Variants in PRKACA observed in about 807,000 individuals in gnomAD.
The protein encoded by PRKACA is cAMP-dependent protein kinase catalytic subunit alpha.
A neutral mutation model predicts 45.8 loss-of-function variants in PRKACA; 9 were observed. That is an observed-to-expected ratio of 0.20 (90% CI 0.12 to 0.34). The LOEUF (loss-of-function observed/expected upper bound fraction) is 0.34, where lower values mean the gene tolerates loss of function less well. Among genes scored for constraint, PRKACA ranks in the 10% least tolerant of loss-of-function variants. The probability of loss-of-function intolerance (pLI) is 1.00; values close to 1 mark genes in which losing one functional copy is unlikely to be tolerated. For missense variants in PRKACA, 238 were observed against 458.6 expected, an observed-to-expected ratio of 0.52 and a Z score of 4.39; for synonymous variants, 160 against 178.6, an observed-to-expected ratio of 0.90 and a Z score of 0.83.
chr19:14,092,971 TA>T lies in PRKACA; in HGVS notation c.*140del. On this transcript the variant is annotated 3_prime_UTR_variant, in exon 10 of 10. Coordinates refer to ENST00000308677, the MANE Select transcript of PRKACA (RefSeq NM_002730.4). Reference sequence around the variant, plus strand: ...GATTATCTGGGCTTCCTGCTCCCCCTAACCCTGGAGGGTGGGGTGGGGGTGA... The same window carrying T: ...GATTATCTGGGCTTCCTGCTCCCCCTACCCTGGAGGGTGGGGTGGGGGTGA... 9.0e-7 allele frequency: 1 copy of T among 1,106,294 alleles called. No individual in the cohort carries two copies. The highest frequency in any genetic ancestry group is 1.2e-6 in the Non-Finnish European group (1 of 824,238). The allele number at this position is 1,106,294 out of a possible 1,614,324, so 68.5% of individuals were successfully genotyped here. A position where few individuals can be genotyped will look rare whatever the true frequency, so the allele number is the denominator to read the frequency against.
chr19:14,117,404 G>A (rs2144501504), intron 1 of PRKACA, 98 bp downstream of exon 1: 3 of 1,169,672 alleles, frequency 2.6e-6, no homozygotes, highest in South Asian at 7.4e-5. Context: ...TAGGCAGAGA[G>A]GATGAGGGGC....
At chr19:14,109,495 G>A (rs1977708669) in intron 1 of PRKACA, among the ~76,000 whole-genome samples, 1 of 151,784 alleles carries the variant, frequency 6.6e-6, no homozygotes, top group Non-Finnish European at 1.5e-5. Context: ...ATGTGTGCCT[G>A]TAATCCTAGC....
intron 1 of PRKACA, among the ~76,000 whole-genome samples, chr19:14,110,957 C>A (rs1192058915): frequency 6.6e-6 from 1 of 152,214 alleles, no homozygotes; most frequent in Non-Finnish European, 1.5e-5. Context: ...TTGCTGCCAC[C>A]GAGGGGCCCT....
rs1977308011 is a variant in PRKACA at position 14,097,833 on chromosome 19, G to A, written c.477C>T (p.His159=). Residue 159 remains histidine, a synonymous_variant, in exon 6 of 10, where the codon CAC becomes CAT. Transcript: ENST00000308677. The surrounding 1 kb of genome is among the most constrained non-coding windows in gnomAD (Gnocchi z 5.4). ...AQIVLTFEYL[H]SLDLIYRDLK... ...GGTCCCTGTAGATGAGATCCAGCGA[G>A]TGCAGATACTCAAAGGTCAGGACGA... 6.2e-7 allele frequency: 1 copy of A among 1,614,058 alleles called. No individual in the cohort carries two copies. The highest frequency in any genetic ancestry group is 1.1e-5 in the South Asian group (1 of 91,088).
chr19:14,098,527 GCT>G (rs1977338889), intron 5 of PRKACA: 1 of 149,334 alleles, frequency 6.7e-6, no homozygotes, highest in South Asian at 2.1e-4. Context: ...AGACAGTCTC[GCT>G]CTCTTGCCCA....
rs751654524 is a variant in PRKACA at position 14,097,522 on chromosome 19, G to A, written c.643-39C>T. 25 of 1,613,506 alleles carry A rather than the reference G, an allele frequency of 1.5e-5. No homozygotes were observed. The Admixed American group carries it at 2.0e-4, about 13-fold the overall frequency. ...GGGGGGCACAGGGTGAGGAGGAGGC[G>A]AGAGCAGGAGAGCAGAGCCGGCCTC... On this transcript the variant is annotated intron_variant, in intron 7 of 9. Transcript: ENST00000308677. This position sits in a 1 kb window ranked among gnomAD's most constrained non-coding sequence, Gnocchi z 5.4.
chr19:14,105,914 TTGTTCTCCTCC>T (rs1436559750), intron 3 of PRKACA, among the ~76,000 whole-genome samples: 1 of 152,208 alleles, frequency 6.6e-6, no homozygotes, highest in African/African-American at 2.4e-5. Flanking sequence ...AAGAGTGCTC[TTGTTCTCCTCC>T]TGTTGGGCTG....
At chr19:14,096,032 GTTTTTTTTTTTTTTTT>G (rs60082323) in intron 8 of PRKACA, among the ~76,000 whole-genome samples, 1 of 92,580 alleles carries the variant, frequency 1.1e-5, no homozygotes, top group African/African-American at 4.5e-5. Context: ...CTAATTTTTA[GTTTTTTTTTTTTTTTT>G]TTTTTTTTGA....
At position 14,107,975 on chromosome 19, in the gene PRKACA, A is replaced by C. The variant is rs1977663021; in HGVS notation, c.47-566T>G. The C allele has an allele frequency of 3.0e-6, 3 of 986,222 alleles. No individual in the cohort carries two copies. The South Asian group carries it at 1.4e-4, about 46-fold the overall frequency. 61.1% of individuals were successfully genotyped at this position (986,222 alleles called of 1,614,324 possible). Reference sequence around the variant, plus strand: ...CACTCCTCGGCCCCATGGTATCCCAAGGTGAACATCACCGCCTGGCTAATG... The same window carrying C: ...CACTCCTCGGCCCCATGGTATCCCACGGTGAACATCACCGCCTGGCTAATG... On this transcript the variant is annotated intron_variant, in intron 1 of 9. Transcript: ENST00000308677.
chr19:14,105,055 C>G (rs902112365), intron 3 of PRKACA, among the ~76,000 whole-genome samples: 1 of 151,820 alleles, frequency 6.6e-6, no homozygotes, highest in Non-Finnish European at 1.5e-5. Context: ...ATACAATAGA[C>G]ACTGGATTTT....
intron 3 of PRKACA, 71 bp from the exon 4 acceptor site, chr19:14,102,985 G>A (rs891775351): frequency 1.6e-6 from 2 of 1,252,042 alleles, no homozygotes; most frequent in Non-Finnish European, 2.3e-6. Context: ...CTAATGCCTG[G>A]AACTAGGGAT....
intron 3 of PRKACA, among the ~76,000 whole-genome samples, chr19:14,103,215 C>T (rs1194411769): frequency 6.6e-6 from 1 of 152,136 alleles, no homozygotes; most frequent in Admixed American, 6.5e-5. Flanking sequence ...CCAAGAAGCC[C>T]ATGTAAAGTA....
chr19:14,101,057 C>T, intron 4 of PRKACA, 149 bp from the exon 5 acceptor site: 2 of 666,054 alleles, frequency 3.0e-6, no homozygotes, highest in South Asian at 3.4e-5. Flanking sequence ...AGGGGCGACC[C>T]TTATCCTGCT....
chr19:14,106,676 G>A (rs1163154178), intron 3 of PRKACA, 84 bp downstream of exon 3: 34 of 1,554,532 alleles, frequency 2.2e-5, no homozygotes, highest in Middle Eastern at 1.7e-4. Context: ...GTGAGTGAAC[G>A]GGTGGATAGG....
At chr19:14,105,055 C>T (rs902112365) in intron 3 of PRKACA, among the ~76,000 whole-genome samples, 5 of 151,820 alleles carry the variant, frequency 3.3e-5, no homozygotes, top group Non-Finnish European at 7.4e-5. Context: ...ATACAATAGA[C>T]ACTGGATTTT....
At position 14,107,358 on chromosome 19, in the gene PRKACA, C is replaced by G; in HGVS notation, c.98G>C (p.Ser33Thr). 3 of 1,614,104 alleles carry G rather than the reference C, an allele frequency of 1.9e-6. No individual in the cohort carries two copies. The highest frequency in any genetic ancestry group is 1.3e-5 in the African/African-American group (1 of 75,068). ...ACCCGGCAGCCTTACCTGAGCGGGA[C>G]TTTCCCATTTTTTAAGAAAATCTTC... ...AKEDFLKKWESPAQNTAHLDQ... is the reference protein window; with the variant it reads ...AKEDFLKKWETPAQNTAHLDQ... Residue 33 changes from serine to threonine, a missense_variant, in exon 2 of 10, where the codon AGT becomes ACT. Coordinates refer to ENST00000308677, the MANE Select transcript of PRKACA (RefSeq NM_002730.4).
At chr19:14,100,100 C>A (rs1460937562) in intron 5 of PRKACA, among the ~76,000 whole-genome samples, 6 of 152,052 alleles carry the variant, frequency 3.9e-5, no homozygotes, top group Non-Finnish European at 5.9e-5. Context: ...GCCTCGGCCT[C>A]CCAAAGTTCT....
intron 8 of PRKACA, among the ~76,000 whole-genome samples, chr19:14,094,000 TAA>T (rs1322787773): frequency 2.0e-5 from 3 of 152,084 alleles, no homozygotes; most frequent in Non-Finnish European, 1.5e-5. Context: ...TGCATTTCTT[TAA>T]AAACTTTAAA....
In PRKACA at chr19:14,093,063, AAAAAAAGAAAAAAG is replaced by A; in HGVS notation, c.*35_*48del. ...TCCAACCCTCCCACCCCCCCGACCA[AAAAAAAGAAAAAAG>A]AAAAAAGAAAACCCATGGGGGCACA... On this transcript the variant is annotated 3_prime_UTR_variant, in exon 10 of 10. Transcript: ENST00000308677. 1 of 456,710 alleles carries A rather than the reference AAAAAAAGAAAAAAG, an allele frequency of 2.2e-6. No homozygotes were observed. The highest frequency in any genetic ancestry group is 8.5e-5 in the East Asian group (1 of 11,774). 28.3% of individuals were successfully genotyped at this position (456,710 alleles called of 1,614,324 possible). A position where few individuals can be genotyped will look rare whatever the true frequency, so the allele number is the denominator to read the frequency against.
Sources: allele counts gnomAD v4.1 joint callset (sites outside exome capture counted in the v4.1 genomes callset), GRCh38; gene constraint gnomAD v4.1.1; non-coding constraint Gnocchi (gnomAD v3.1); transcripts MANE v1.5; gene names NCBI Gene and HGNC (gene_info 2026-07-23, HGNC 2026-07-21).